Variants in PAK5 observed in about 807,000 individuals in gnomAD.
PAK5 encodes p21 (RAC1) activated kinase 5, also known as serine/threonine-protein kinase PAK 5.
A neutral mutation model predicts 65.9 loss-of-function variants in PAK5; 16 were observed. The ratio of observed to expected loss-of-function variants is 0.24; its 90% CI spans 0.16 to 0.37. The LOEUF (loss-of-function observed/expected upper bound fraction) is 0.37, where lower values mean the gene tolerates loss of function less well. PAK5 is among the 10% of genes least tolerant of loss of function. The pLI is 1.00. For missense variants in PAK5, 785 were observed against 903.9 expected, an observed-to-expected ratio of 0.87 and a Z score of 1.69; for synonymous variants, 371 against 354.9, an observed-to-expected ratio of 1.05 and a Z score of -0.51.
At position 9,587,526 on chromosome 20, in the gene PAK5, T is replaced by C. The variant is rs778889624; in HGVS notation, c.205-6596A>G. ...GATAGGTATAGAAAAGAAAAGTTGA[T>C]AGAAATACAGTAAAATTTTGATAGT... On this transcript the variant is annotated intron_variant, in intron 3 of 9. Transcript: ENST00000353224. 5.9e-4 allele frequency among the ~76,000 whole-genome samples: 90 copies of C among 152,288 alleles called. 5 individuals are homozygous for C. Among genetic ancestry groups the C allele is most frequent in the Non-Finnish European group, 2.5e-4 (17 of 68,002 alleles).
intron 1 of PAK5, among the ~76,000 whole-genome samples, chr20:9,714,118 C>T (rs1309696074): frequency 1.3e-5 from 2 of 151,986 alleles, no homozygotes; most frequent in South Asian, 2.1e-4. Context: ...TCACATGTAT[C>T]CCCAAAATAG....
At chr20:9,793,689 G>T (rs1419129055) in intron 1 of PAK5, among the ~76,000 whole-genome samples, 1 of 152,120 alleles carries the variant, frequency 6.6e-6, no homozygotes, top group Non-Finnish European at 1.5e-5. Flanking sequence ...ATAGATGTTG[G>T]TGAGGTTATG....
chr20:9,735,245 C>T (rs577406989), intron 1 of PAK5, among the ~76,000 whole-genome samples: 33 of 151,808 alleles, frequency 2.2e-4, no homozygotes, highest in Non-Finnish European at 4.7e-4. Context: ...GTTTTCCAGA[C>T]GGAGTACCAG....
At chr20:9,700,396 G>A (rs1371818237) in intron 2 of PAK5, among the ~76,000 whole-genome samples, 2 of 152,204 alleles carry the variant, frequency 1.3e-5, no homozygotes, top group African/African-American at 4.8e-5. Context: ...GGGTGACAGA[G>A]TGAGACTCTA....
intron 3 of PAK5, among the ~76,000 whole-genome samples, chr20:9,634,520 T>C (rs980723112): frequency 6.6e-6 from 1 of 152,152 alleles, no homozygotes; most frequent in African/African-American, 2.4e-5. Flanking sequence ...TTCTTATTAG[T>C]GGTTGATGTA....
rs80155258 is a variant in PAK5 at position 9,733,158 on chromosome 20, G to A, written c.-161-21723C>T. 2.0e-4 allele frequency among the ~76,000 whole-genome samples: 30 copies of A among 152,272 alleles called. 1 individual carries two copies. The East Asian group carries it at 5.6e-3, about 28-fold the overall frequency. ...GACATGGTCTTTTGACCTCACAGAA[G>A]TAATAGTTTAGTAAGGAAGATAGTT... On this transcript the variant is annotated intron_variant, in intron 1 of 9. Coordinates refer to ENST00000353224, the MANE Select transcript of PAK5 (RefSeq NM_177990.4).
At chr20:9,632,181 T>C (rs573658362) in intron 3 of PAK5, among the ~76,000 whole-genome samples, 63 of 152,248 alleles carry the variant, frequency 4.1e-4, no homozygotes, top group African/African-American at 1.5e-3. Flanking sequence ...TCATTTCACA[T>C]TATATAGAAT....
chr20:9,579,826 C>T (rs890533275), intron 4 of PAK5, among the ~76,000 whole-genome samples: 1 of 152,198 alleles, frequency 6.6e-6, no homozygotes, highest in Non-Finnish European at 1.5e-5. Flanking sequence ...TAACAGGGAA[C>T]TTAGTCAAAT....
In PAK5 at chr20:9,539,354, T is replaced by G; in HGVS notation, c.*108A>C. The G allele has an allele frequency of 1.9e-6, 2 of 1,044,836 alleles. No individual in the cohort carries two copies. The highest frequency in any genetic ancestry group is 2.9e-6 in the Non-Finnish European group (2 of 695,048). The allele number at this position is 1,044,836 out of a possible 1,614,324, so 64.7% of individuals were successfully genotyped here. A position where few individuals can be genotyped will look rare whatever the true frequency, so the allele number is the denominator to read the frequency against. On this transcript the variant is annotated 3_prime_UTR_variant, in exon 10 of 10. Transcript: ENST00000353224. The stretch of plus-strand genomic sequence containing the variant: ...CCGGTCATCACGCTGTCCCACCAAT[T>G]GGCTGGTCTAGAATGCACAGGCCTT...
chr20:9,601,307 T>C (rs1312107201), intron 3 of PAK5, among the ~76,000 whole-genome samples: 3 of 151,956 alleles, frequency 2.0e-5, no homozygotes, highest in South Asian at 2.1e-4. Context: ...AATTTAGAAA[T>C]TGAGGAAGAG....
chr20:9,778,686 A>C (rs1312526346), intron 1 of PAK5, among the ~76,000 whole-genome samples: 1 of 152,198 alleles, frequency 6.6e-6, no homozygotes, highest in Non-Finnish European at 1.5e-5. Context: ...TCATATAAAC[A>C]TGAGTTGATT....
At chr20:9,632,831 C>T in intron 3 of PAK5, among the ~76,000 whole-genome samples, 1 of 152,262 alleles carries the variant, frequency 6.6e-6, no homozygotes, top group South Asian at 2.1e-4. Context: ...GTTTTTCATG[C>T]CCAAACATAC....
At chr20:9,658,084 G>C (rs979118617) in intron 2 of PAK5, among the ~76,000 whole-genome samples, 1 of 152,152 alleles carries the variant, frequency 6.6e-6, no homozygotes, top group African/African-American at 2.4e-5. Context: ...ACAGATACTG[G>C]CCCATATTTT....
chr20:9,764,690 A>T (rs2048736999), intron 1 of PAK5, among the ~76,000 whole-genome samples: 1 of 152,178 alleles, frequency 6.6e-6, no homozygotes, highest in Non-Finnish European at 1.5e-5. Flanking sequence ...CTTCATTAGG[A>T]TTGATCTTGT....
intron 2 of PAK5, among the ~76,000 whole-genome samples, chr20:9,689,958 A>ACC (rs893190146): frequency 6.6e-6 from 1 of 152,198 alleles, no homozygotes; most frequent in Non-Finnish European, 1.5e-5. Context: ...AGACACCCTC[A>ACC]CATGAAGATC....
chr20:9,606,192 C>T (rs1285747414), intron 3 of PAK5, among the ~76,000 whole-genome samples: 2 of 152,102 alleles, frequency 1.3e-5, no homozygotes, highest in African/African-American at 4.8e-5. Context: ...AGTGAGTTCT[C>T]ACAAGATCTC....
At chr20:9,721,543 C>G (rs1413276136) in intron 1 of PAK5, among the ~76,000 whole-genome samples, 2 of 150,372 alleles carry the variant, frequency 1.3e-5, no homozygotes, top group Non-Finnish European at 2.9e-5. Context: ...ATCTCAGCTA[C>G]TCGGGAGGCT....
chr20:9,783,421 A>G (rs2206484), intron 1 of PAK5, among the ~76,000 whole-genome samples: 143,934 of 152,248 alleles, frequency 0.95, 68,166 homozygotes, highest in East Asian at 1. Flanking sequence ...ATGAATTTGA[A>G]CACCAGATTC....
chr20:9,671,144 G>A (rs945109171), intron 2 of PAK5, among the ~76,000 whole-genome samples: 3 of 152,102 alleles, frequency 2.0e-5, no homozygotes, highest in African/African-American at 7.2e-5. Context: ...TGTCTGTTTT[G>A]GTACCAGTAG....
Sources: allele counts gnomAD v4.1 joint callset (sites outside exome capture counted in the v4.1 genomes callset), GRCh38; gene constraint gnomAD v4.1.1; transcripts MANE v1.5; gene names NCBI Gene and HGNC (gene_info 2026-07-23, HGNC 2026-07-21).